Variants in MRPL1 observed in about 807,000 individuals in gnomAD.
The protein encoded by MRPL1 is large ribosomal subunit protein uL1m.
MRPL1 carries 28 observed loss-of-function variants against 38.0 expected under a neutral mutation model. The observed-to-expected ratio is 0.74, with a 90% CI of 0.55 to 1.01. The LOEUF is 1.01. Ranked by LOEUF, MRPL1 falls within the 50% of genes least tolerant of loss-of-function variation. MRPL1 has a pLI of 0.00. For missense variants in MRPL1, 358 were observed against 389.8 expected (o/e 0.92, Z 0.69); for synonymous variants, 123 against 126.7 (o/e 0.97, Z 0.20).
chr4:77,937,305 C>T (rs1356369164), intron 7 of MRPL1, among the ~76,000 whole-genome samples: 2 of 152,122 alleles, frequency 1.3e-5, no homozygotes, highest in African/African-American at 4.8e-5. Flanking sequence ...CCAAAGATTT[C>T]CCTTGACTAA....
Position 77,871,835 on chromosome 4 carries a change from A to G in MRPL1, c.123A>G (p.Arg41=). The change falls in exon 2 of 9, where the codon AGA becomes AGG. Residue 41 remains arginine, a synonymous_variant. Coordinates refer to ENST00000315567, the MANE Select transcript of MRPL1 (RefSeq NM_020236.4). ...SCSVNIRVPN[R]HFAAATKSAK... ...CTGTAAACATCCGAGTGCCCAACAG[A>G]CATTTTGCTGCTGCTACAAAGTAAG... 1 of 1,595,924 alleles carries G rather than the reference A, an allele frequency of 6.3e-7. No individual in the cohort carries two copies.
intron 7 of MRPL1, among the ~76,000 whole-genome samples, chr4:77,925,372 G>C (rs1736691803): frequency 1.4e-5 from 2 of 147,354 alleles, no homozygotes; most frequent in Admixed American, 1.4e-4. Context: ...TCTTTTTTGA[G>C]ACCTAGTCTC....
At chr4:77,894,999 GGGGAGT>G (rs2110241001) in intron 6 of MRPL1, among the ~76,000 whole-genome samples, 1 of 152,176 alleles carries the variant, frequency 6.6e-6, no homozygotes, top group East Asian at 1.9e-4. Flanking sequence ...CTTTGACTGT[GGGGAGT>G]GGTACCCCTA....
At chr4:77,892,052 CTG>C (rs910049934) in intron 5 of MRPL1, among the ~76,000 whole-genome samples, 1 of 151,766 alleles carries the variant, frequency 6.6e-6, no homozygotes, top group Admixed American at 6.6e-5. Context: ...TTATACATTC[CTG>C]TGTTTTTAAA....
chr4:77,890,385 C>T (rs1175955225), intron 5 of MRPL1, among the ~76,000 whole-genome samples: 2 of 152,150 alleles, frequency 1.3e-5, no homozygotes, highest in Admixed American at 6.5e-5. Flanking sequence ...AAGACAAAAA[C>T]CACATGATTA....
At chr4:77,878,965 A>G (rs1025566153) in intron 2 of MRPL1, among the ~76,000 whole-genome samples, 8 of 152,168 alleles carry the variant, frequency 5.3e-5, no homozygotes, top group African/African-American at 1.9e-4. Context: ...GGGAAAAGTT[A>G]TTGCTTTTGT....
intron 2 of MRPL1, among the ~76,000 whole-genome samples, chr4:77,878,096 T>C (rs1735443840): frequency 1.3e-5 from 2 of 152,178 alleles, no homozygotes; most frequent in Non-Finnish European, 1.5e-5. Context: ...CTGCTTGCCT[T>C]TCTCTCGTGC....
intron 5 of MRPL1, among the ~76,000 whole-genome samples, chr4:77,893,420 G>A (rs1735847394): frequency 6.6e-6 from 1 of 152,230 alleles, no homozygotes; most frequent in East Asian, 1.9e-4. Context: ...GGAGTATATT[G>A]TATGTTTTAA....
At chr4:77,898,787 C>T (rs1735973657) in intron 6 of MRPL1, among the ~76,000 whole-genome samples, 1 of 151,932 alleles carries the variant, frequency 6.6e-6, no homozygotes, top group East Asian at 1.9e-4. Flanking sequence ...AGCCACCGCA[C>T]CCAGCTTGGA....
At chr4:77,952,192 T>C (rs1337124317) in intron 8 of MRPL1, among the ~76,000 whole-genome samples, 5 of 152,244 alleles carry the variant, frequency 3.3e-5, no homozygotes, top group Non-Finnish European at 7.3e-5. Flanking sequence ...TAAATAATTA[T>C]TGCTTTTATT....
At position 77,906,359 on chromosome 4, in the gene MRPL1, A is replaced by G. The variant is rs113253205; in HGVS notation, c.671-2907A>G. 3.0e-3 allele frequency among the ~76,000 whole-genome samples: 449 copies of G among 151,984 alleles called. 3 individuals are homozygous for G. The highest frequency in any genetic ancestry group is 0.014 in the Middle Eastern group (4 of 294). ...GAAAATAGAAGGACACGAAATAGAG[A>G]TGGCTTTTTTTTTTTGAGAACTTAC... is the stretch of plus-strand genomic sequence containing the variant. On this transcript the variant is annotated intron_variant, in intron 6 of 8. Coordinates refer to ENST00000315567, the MANE Select transcript of MRPL1 (RefSeq NM_020236.4).
chr4:77,926,174 C>T (rs1175599396), intron 7 of MRPL1, among the ~76,000 whole-genome samples: 1 of 152,142 alleles, frequency 6.6e-6, no homozygotes, highest in African/African-American at 2.4e-5. Flanking sequence ...TTTTTTTATC[C>T]TTACTTTATC....
intron 6 of MRPL1, among the ~76,000 whole-genome samples, chr4:77,907,718 C>T (rs1170146674): frequency 6.6e-6 from 1 of 152,042 alleles, no homozygotes; most frequent in Non-Finnish European, 1.5e-5. Context: ...GCATGCGCCA[C>T]CACCTCAGCT....
At chr4:77,930,488 C>T (rs1362874338) in intron 7 of MRPL1, among the ~76,000 whole-genome samples, 5 of 152,202 alleles carry the variant, frequency 3.3e-5, no homozygotes, top group Admixed American at 2.0e-4. Context: ...GTTGCATGCT[C>T]CTTCTGGGAA....
At chr4:77,931,835 G>A (rs1319144414) in intron 7 of MRPL1, among the ~76,000 whole-genome samples, 2 of 151,988 alleles carry the variant, frequency 1.3e-5, no homozygotes, top group African/African-American at 4.8e-5. Flanking sequence ...AATGTCACCC[G>A]AACTTCAAAA....
intron 6 of MRPL1, among the ~76,000 whole-genome samples, chr4:77,904,111 G>T (rs1055118529): frequency 1.3e-5 from 2 of 151,618 alleles, no homozygotes; most frequent in East Asian, 3.9e-4. Flanking sequence ...ACTGGGTGTG[G>T]TGGCATGTGC....
rs1735590487 is a variant in MRPL1, at chr4:77,883,279, A to G, written c.181A>G (p.Thr61Ala). Residue 61 changes from threonine (T) to alanine (A), a missense_variant, in exon 3 of 9, where the codon ACA becomes GCA. Physicochemically the swap from Thr to Ala is moderately conservative, Grantham distance 58 (BLOSUM62 0). Transcript: ENST00000315567. ...AACAAAAAAAGGTGCTAAAGAAAAA[A>G]CACCAGATGAGAAAAAAGATGAAAT... ...KKTKKGAKEK[T>A]PDEKKDEIEK... 3 of 1,590,534 alleles carry G rather than the reference A, an allele frequency of 1.9e-6. No individual in the cohort carries two copies. Among genetic ancestry groups the G allele is most frequent in the Admixed American group, 1.8e-5 (1 of 54,318 alleles).
At chr4:77,923,005 T>G (rs901222362) in intron 7 of MRPL1, among the ~76,000 whole-genome samples, 7 of 152,218 alleles carry the variant, frequency 4.6e-5, no homozygotes, top group Admixed American at 6.5e-5. Context: ...GTATGATGTT[T>G]GCTGTTTGTT....
At chr4:77,894,559 T>C (rs1015884312) in intron 6 of MRPL1, among the ~76,000 whole-genome samples, 1 of 152,160 alleles carries the variant, frequency 6.6e-6, no homozygotes, top group Non-Finnish European at 1.5e-5. Context: ...TTATTGGCTT[T>C]TATCCCTGTT....
Sources: allele counts gnomAD v4.1 joint callset (sites outside exome capture counted in the v4.1 genomes callset), GRCh38; gene constraint gnomAD v4.1.1; transcripts MANE v1.5; gene names NCBI Gene and HGNC (gene_info 2026-07-23, HGNC 2026-07-21).